The following EFCAB6 variants were observed in gnomAD, a reference collection of about 807,000 sequenced individuals.
EFCAB6 encodes the protein EF-hand calcium-binding domain-containing protein 6.
A neutral mutation model predicts 169.8 loss-of-function variants in EFCAB6; 156 were observed. The ratio of observed to expected loss-of-function variants is 0.92; its 90% CI spans 0.81 to 1.05. EFCAB6 has a LOEUF of 1.05. Among genes scored for constraint, EFCAB6 ranks in the 50% least tolerant of loss-of-function variants. The pLI is 0.00. For synonymous variants in EFCAB6, 698 were observed against 676.4 expected (o/e 1.03, Z -0.50); for missense variants, 1,800 against 1,829.1 (o/e 0.98, Z 0.29).
At chr22:43,547,326 C>T (rs1412129631) in intron 27 of EFCAB6, among the ~76,000 whole-genome samples, 9 of 152,034 alleles carry the variant, frequency 5.9e-5, no homozygotes. Flanking sequence ...GACTGATGAA[C>T]TTTTGACTTT....
chr22:43,601,996 C>T (rs1166791056), intron 22 of EFCAB6, among the ~76,000 whole-genome samples: 1 of 152,262 alleles, frequency 6.6e-6, no homozygotes, highest in Non-Finnish European at 1.5e-5. Flanking sequence ...GAAAAGTCCC[C>T]TTGGACGACG....
intron 25 of EFCAB6, among the ~76,000 whole-genome samples, chr22:43,578,480 G>A (rs139257699): frequency 6.6e-6 from 1 of 152,118 alleles, no homozygotes; most frequent in African/African-American, 2.4e-5. Context: ...TGTTCTCTTC[G>A]ATGCCTGCCC....
chr22:43,553,239 A>G (rs1438309071), intron 27 of EFCAB6: 1 of 152,238 alleles, frequency 6.6e-6, no homozygotes, highest in African/African-American at 2.4e-5. Context: ...TGACATTTCC[A>G]CGCAGTGTCT....
intron 31 of EFCAB6, 103 bp from the exon 32 acceptor site, chr22:43,529,078 A>C: frequency 2.2e-5 from 29 of 1,310,952 alleles, no homozygotes; most frequent in Non-Finnish European, 3.0e-5. Context: ...CTGATCCCCA[A>C]CCCCACTTCC....
intron 6 of EFCAB6, 105 bp from the exon 7 acceptor site, chr22:43,736,098 T>A: frequency 8.5e-7 from 1 of 1,182,978 alleles, no homozygotes; most frequent in Non-Finnish European, 1.1e-6. Context: ...TAAAATAAAA[T>A]GTTTTCAAAG....
Position 43,705,731 on chromosome 22 carries a change from T to G in EFCAB6, c.1031+5744A>C, listed in dbSNP as rs148836596. On this transcript the variant is annotated intron_variant, in intron 10 of 31. Transcript: ENST00000262726. The stretch of plus-strand genomic sequence containing the variant: ...GCACAATATACTAAAATATGTGGGA[T>G]GCAACAAAAGCAATTCTAAGAGGAA... 3.3e-3 allele frequency among the ~76,000 whole-genome samples: 498 copies of G among 152,244 alleles called. 1 individual carries two copies. The highest frequency in any genetic ancestry group is 0.012 in the African/African-American group (478 of 41,554).
chr22:43,688,873 G>A (rs993959170), intron 10 of EFCAB6, among the ~76,000 whole-genome samples: 4 of 152,206 alleles, frequency 2.6e-5, no homozygotes, highest in Non-Finnish European at 5.9e-5. Context: ...GCATGAAACA[G>A]ACTGCCCTGT....
Position 43,600,101 on chromosome 22 carries a change from C to A in EFCAB6, c.2844G>T (p.Leu948=), listed in dbSNP as rs2052382287. 1.2e-6 allele frequency: 2 copies of A among 1,614,142 alleles called. No homozygotes were observed. The highest frequency in any genetic ancestry group is 1.7e-5 in the Admixed American group (1 of 60,014). ...CCACAGCCTTCTCTGTGCTCTGCTG[C>A]AGCTCCTTCATCTCTTCCTGTAGCT... ...PQQLQEEMKE[L]QQSTEKAVAA... Residue 948 remains leucine, a synonymous_variant, in exon 23 of 32, where the codon CTG becomes CTT. Transcript: ENST00000262726.
chr22:43,785,735 T>C (rs946963665), intron 2 of EFCAB6, among the ~76,000 whole-genome samples: 1 of 151,996 alleles, frequency 6.6e-6, no homozygotes, highest in Non-Finnish European at 1.5e-5. Context: ...ATTATCAAAA[T>C]TGACAAATTT....
chr22:43,683,749 T>C lies in EFCAB6; in HGVS notation c.1249A>G (p.Thr417Ala). The C allele has an allele frequency of 6.3e-7, 1 of 1,599,984 alleles. No individual in the cohort carries two copies. The highest frequency in any genetic ancestry group is 8.6e-7 in the Non-Finnish European group (1 of 1,167,108). Residue 417 changes from threonine (T) to alanine (A), a missense_variant and splice_region_variant, in exon 12 of 32, where the codon ACT becomes GCT. Thr to Ala is a moderately conservative substitution (Grantham distance 58). Coordinates refer to ENST00000262726, the MANE Select transcript of EFCAB6 (RefSeq NM_022785.4). ...AGAGAAGGCTTTCAAAATCTTACAG[T>C]GTTGATTATCAGTAATGCTTTCTTC... ...SLKKALLIINTKPDGPITREE... is the reference protein window; with the variant it reads ...SLKKALLIINAKPDGPITREE...
At chr22:43,800,339 C>T (rs1323295140) in intron 2 of EFCAB6, among the ~76,000 whole-genome samples, 1 of 152,118 alleles carries the variant, frequency 6.6e-6, no homozygotes, top group Non-Finnish European at 1.5e-5. Flanking sequence ...TAAAGAACCT[C>T]TAAGAAAATA....
intron 7 of EFCAB6, among the ~76,000 whole-genome samples, chr22:43,735,050 G>C (rs191448257): frequency 6.6e-6 from 1 of 152,184 alleles, no homozygotes; most frequent in African/African-American, 2.4e-5. Context: ...GAAAAGGCAC[G>C]AAGAGGGAAT....
At chr22:43,620,238 G>C (rs1421380275) in intron 20 of EFCAB6, among the ~76,000 whole-genome samples, 1 of 152,134 alleles carries the variant, frequency 6.6e-6, no homozygotes, top group Non-Finnish European at 1.5e-5. Flanking sequence ...GGACCTGGGA[G>C]GTCAAGGCTG....
chr22:43,669,231 A>C (rs2057384678), intron 15 of EFCAB6, among the ~76,000 whole-genome samples, 186 bp from the exon 16 acceptor site: 1 of 152,256 alleles, frequency 6.6e-6, no homozygotes, highest in South Asian at 2.1e-4. Flanking sequence ...GTGTGTCTAC[A>C]CAAATATATA....
intron 8 of EFCAB6, among the ~76,000 whole-genome samples, chr22:43,729,002 G>A (rs2059839982): frequency 6.6e-6 from 1 of 152,210 alleles, no homozygotes; most frequent in South Asian, 2.1e-4. Context: ...GTCCTGAATG[G>A]TATTGCCTAG....
chr22:43,807,658 T>C (rs1021116581), intron 2 of EFCAB6, among the ~76,000 whole-genome samples: 4 of 152,060 alleles, frequency 2.6e-5, no homozygotes, highest in Non-Finnish European at 5.9e-5. Context: ...GAAGCAAAAA[T>C]TGCTGGAACT....
intron 20 of EFCAB6, among the ~76,000 whole-genome samples, chr22:43,624,097 T>G (rs532603000): frequency 5.1e-4 from 77 of 151,976 alleles, no homozygotes; most frequent in Non-Finnish European, 9.4e-4. Context: ...CACTAACTGT[T>G]CTCTGAGCCC....
chr22:43,558,839 A>G (rs1260139022), intron 26 of EFCAB6, among the ~76,000 whole-genome samples: 10 of 152,252 alleles, frequency 6.6e-5, no homozygotes, highest in Admixed American at 5.9e-4. Context: ...TATATGCATC[A>G]GTAAATCAAA....
In EFCAB6 at chr22:43,799,456, A is replaced by G. The variant is rs1009820618; in HGVS notation, c.-8+9539T>C. ...CACTGTTAAAAACTAGTGAAATGTG[A>G]ATGAAGTCTTTAGTTAATATTGACT... On this transcript the variant is annotated intron_variant, in intron 2 of 31. Transcript: ENST00000262726. Among the ~76,000 whole-genome samples, 5 of 152,286 alleles carry G rather than the reference A, an allele frequency of 3.3e-5. No individual in the cohort carries two copies. The East Asian group carries it at 9.6e-4, about 29-fold the overall frequency.
Sources: allele counts gnomAD v4.1 joint callset (sites outside exome capture counted in the v4.1 genomes callset), GRCh38; gene constraint gnomAD v4.1.1; transcripts MANE v1.5; gene names NCBI Gene and HGNC (gene_info 2026-07-23, HGNC 2026-07-21).